Variants in KIF13B observed in about 807,000 individuals in gnomAD.
KIF13B encodes the protein kinesin-like protein KIF13B.
Under a neutral mutation model 222.0 loss-of-function variants are expected in KIF13B, and 127 were observed. That is an observed-to-expected ratio of 0.57 (90% CI 0.50 to 0.66). The LOEUF is 0.66. Ranked by LOEUF, KIF13B falls within the 30% of genes least tolerant of loss-of-function variation. KIF13B has a pLI of 0.00. For missense variants in KIF13B, 2,173 were observed against 2,379.0 expected (o/e 0.91, Z 1.80); for synonymous variants, 976 against 919.0 (o/e 1.06, Z -1.12).
At chr8:29,120,091 T>A (rs7012096) in intron 29 of KIF13B, among the ~76,000 whole-genome samples, 3 of 151,628 alleles carry the variant, frequency 2.0e-5, no homozygotes, top group Non-Finnish European at 2.9e-5. Context: ...GAACTCCTAG[T>A]GGCAGAGTAT....
chr8:29,120,945 T>TC (rs1809829994), intron 29 of KIF13B, among the ~76,000 whole-genome samples: 1 of 55,862 alleles, frequency 1.8e-5, no homozygotes, highest in Non-Finnish European at 3.4e-5. Context: ...GATGAGCATT[T>TC]CTTCATGTGT....
chr8:29,253,827 T>TAA (rs1440126131), intron 1 of KIF13B, among the ~76,000 whole-genome samples: 1 of 28,700 alleles, frequency 3.5e-5, no homozygotes, highest in Non-Finnish European at 6.0e-5. Flanking sequence ...TGAGACTGTC[T>TAA]CAAAAAAAAA....
chr8:29,198,613 G>A (rs1455713864), intron 2 of KIF13B, among the ~76,000 whole-genome samples: 1 of 152,180 alleles, frequency 6.6e-6, no homozygotes, highest in Admixed American at 6.5e-5. Flanking sequence ...ATCAGCCACG[G>A]CACCCAGGCA....
intron 32 of KIF13B, chr8:29,110,476 C>T (rs373678066): frequency 2.2e-5 from 4 of 180,356 alleles, no homozygotes; most frequent in Non-Finnish European, 4.7e-5. Flanking sequence ...TGCTACACAG[C>T]GTAGGAATCA....
intron 37 of KIF13B, among the ~76,000 whole-genome samples, chr8:29,077,641 CAT>C (rs1416097267): frequency 1.3e-5 from 2 of 152,224 alleles, no homozygotes; most frequent in Non-Finnish European, 2.9e-5. Context: ...TCTAAAATCA[CAT>C]GATTCCTGCC....
chr8:29,232,608 T>A (rs1259828717), intron 2 of KIF13B, among the ~76,000 whole-genome samples: 1 of 152,094 alleles, frequency 6.6e-6, no homozygotes, highest in Non-Finnish European at 1.5e-5. Context: ...TTTACAGTTT[T>A]CTTTTTTTTA....
chr8:29,181,819 T>C, intron 7 of KIF13B, 100 bp downstream of exon 7: 1 of 696,460 alleles, frequency 1.4e-6, no homozygotes, highest in Non-Finnish European at 2.4e-6. Flanking sequence ...GTGATGCTAT[T>C]ATATATGCAA....
chr8:29,167,657 C>A (rs926588405), intron 10 of KIF13B, 72 bp from the exon 11 acceptor site: 3 of 1,285,970 alleles, frequency 2.3e-6, no homozygotes, highest in African/African-American at 1.5e-5. Context: ...AACCTGAAAT[C>A]AAAAATGGTG....
At chr8:29,164,560 G>C (rs1811909861) in intron 12 of KIF13B, among the ~76,000 whole-genome samples, 1 of 152,178 alleles carries the variant, frequency 6.6e-6, no homozygotes, top group Admixed American at 6.5e-5. Context: ...TACTGTGTTT[G>C]GGTGGGACAC....
At chr8:29,103,806 C>A (rs1305011559) in intron 35 of KIF13B, among the ~76,000 whole-genome samples, 1 of 152,128 alleles carries the variant, frequency 6.6e-6, no homozygotes, top group Admixed American at 6.5e-5. Context: ...CACGTCCTCA[C>A]TAAGTTACTC....
intron 2 of KIF13B, among the ~76,000 whole-genome samples, chr8:29,238,644 T>G (rs1815620885): frequency 6.6e-6 from 1 of 152,174 alleles, no homozygotes; most frequent in Non-Finnish European, 1.5e-5. Flanking sequence ...GAGGGCAGCA[T>G]CATATTTTAC....
Position 29,140,209 on chromosome 8 carries a change from G to A in KIF13B, c.2485-18C>T, listed in dbSNP as rs1401685994. The A allele has an allele frequency of 1.2e-5, 19 of 1,612,636 alleles. No homozygotes were observed. Among genetic ancestry groups the A allele is most frequent in the Non-Finnish European group, 1.5e-5 (18 of 1,179,536 alleles). On this transcript the variant is annotated intron_variant, in intron 20 of 39. Coordinates refer to ENST00000524189, the MANE Select transcript of KIF13B (RefSeq NM_015254.4). ...CCTGCCACCTGCAGCAATGAGGGAA[G>A]GCAGAAACATTTCTCCAGATTTGGT...
chr8:29,247,833 C>CAAAA (rs57720312), intron 1 of KIF13B, among the ~76,000 whole-genome samples: 1 of 54,406 alleles, frequency 1.8e-5, no homozygotes, highest in East Asian at 5.0e-4. Context: ...GACCCTGTCT[C>CAAAA]AAAAAAAAAA....
chr8:29,106,162 A>G (rs991362883), intron 35 of KIF13B, among the ~76,000 whole-genome samples: 16 of 152,230 alleles, frequency 1.1e-4, no homozygotes, highest in Admixed American at 1.0e-3. Context: ...ATGCTAAGCT[A>G]CAGCTAATCA....
At position 29,241,366 on chromosome 8, in the gene KIF13B, T is replaced by C. The variant is rs145107844; in HGVS notation, c.149+3980A>G. 4.9e-3 allele frequency among the ~76,000 whole-genome samples: 742 copies of C among 152,344 alleles called. 4 individuals carry two copies. The highest frequency in any genetic ancestry group is 0.017 in the African/African-American group (701 of 41,576). ...ATAAAAACCACTGAATGGTTCACTT[T>C]AAAGGGGTGGATTGTATTGTCTTAC... On this transcript the variant is annotated intron_variant, in intron 2 of 39. Transcript: ENST00000524189.
intron 37 of KIF13B, among the ~76,000 whole-genome samples, chr8:29,083,945 C>T (rs538976551): frequency 1.3e-5 from 2 of 152,226 alleles, no homozygotes; most frequent in South Asian, 2.1e-4. Context: ...GACGGAGTTG[C>T]GCTCTGTCAC....
chr8:29,173,073 C>G (rs745472218), intron 10 of KIF13B, among the ~76,000 whole-genome samples: 68 of 152,110 alleles, frequency 4.5e-4, no homozygotes, highest in Non-Finnish European at 3.1e-4. Flanking sequence ...CACCACCACA[C>G]CCAGCTAATT....
rs571886265 is a variant in KIF13B, at chr8:29,117,470, T to G, written c.3661-463A>C. On this transcript the variant is annotated intron_variant, in intron 30 of 39. Transcript: ENST00000524189. ...TTTAATATAAAATCCCTTATTCAAA[T>G]TTTTCAATTTCCCCATCCCGGAACC... Among the ~76,000 whole-genome samples, 64 of 152,302 alleles carry G rather than the reference T, an allele frequency of 4.2e-4. No individual in the cohort carries two copies. The South Asian group carries it at 0.013, about 30-fold the overall frequency.
intron 1 of KIF13B, among the ~76,000 whole-genome samples, chr8:29,259,166 C>A (rs908403865): frequency 6.6e-6 from 1 of 152,052 alleles, no homozygotes; most frequent in Admixed American, 6.6e-5. Flanking sequence ...TCATTTTAAT[C>A]GCTGTATAAT....
Sources: allele counts gnomAD v4.1 joint callset (sites outside exome capture counted in the v4.1 genomes callset), GRCh38; gene constraint gnomAD v4.1.1; transcripts MANE v1.5; gene names NCBI Gene and HGNC (gene_info 2026-07-23, HGNC 2026-07-21).